The following CCBE1 variants were observed in gnomAD, a reference collection of about 807,000 sequenced individuals.
CCBE1 encodes the protein collagen and calcium binding EGF domains 1.
A neutral mutation model predicts 50.0 loss-of-function variants in CCBE1; 37 were observed. The observed-to-expected ratio is 0.74, with a 90% confidence interval of 0.57 to 0.97. CCBE1 has a LOEUF of 0.97. Ranked by LOEUF, CCBE1 falls within the 50% of genes least tolerant of loss-of-function variation. The pLI is 0.00. For synonymous variants in CCBE1, 234 were observed against 203.7 expected, an observed-to-expected ratio of 1.15 and a Z score of -1.27; for missense variants, 538 against 523.8, an observed-to-expected ratio of 1.03 and a Z score of -0.26.
In CCBE1 at chr18:59,435,858, G is replaced by A. The variant is rs201322897; in HGVS notation, c.*50C>T. The stretch of plus-strand genomic sequence containing the variant: ...TTTCTTCTCTTTAGATGGTTTAACT[G>A]CAGGTGAGTTGATCTTTCTCTTCCT... On this transcript the variant is annotated 3_prime_UTR_variant, in exon 11 of 11. Transcript: ENST00000439986. The A allele has an allele frequency of 1.1e-4, 159 of 1,487,352 alleles. No homozygotes were observed. The African/African-American group carries it at 2.1e-3, about 19-fold the overall frequency. The allele number at this position is 1,487,352 out of a possible 1,614,324, so 92.1% of individuals were successfully genotyped here.
At chr18:59,536,730 C>G (rs1305052828) in intron 2 of CCBE1, among the ~76,000 whole-genome samples, 4 of 152,148 alleles carry the variant, frequency 2.6e-5, no homozygotes, top group Non-Finnish European at 5.9e-5. Context: ...TGGCTGACAT[C>G]TGTAATCTCT....
chr18:59,583,695 G>GCA (rs2053128141), intron 2 of CCBE1, among the ~76,000 whole-genome samples: 1 of 138,906 alleles, frequency 7.2e-6, no homozygotes, highest in Non-Finnish European at 1.6e-5. Context: ...GCGCGCGCGC[G>GCA]CGCGCGTGTG....
At chr18:59,477,284 G>T (rs1014826438) in intron 3 of CCBE1, among the ~76,000 whole-genome samples, 3 of 151,736 alleles carry the variant, frequency 2.0e-5, no homozygotes, top group African/African-American at 7.3e-5. Flanking sequence ...TAAAAAGTCA[G>T]CAGAAGACAA....
At chr18:59,526,337 TCTCA>T (rs945871397) in intron 2 of CCBE1, among the ~76,000 whole-genome samples, 1 of 148,542 alleles carries the variant, frequency 6.7e-6, no homozygotes, top group African/African-American at 2.5e-5. Context: ...GGAGATGGAA[TCTCA>T]CTCTGTCGGC....
chr18:59,479,489 A>G (rs1912465314), intron 3 of CCBE1, among the ~76,000 whole-genome samples: 1 of 152,224 alleles, frequency 6.6e-6, no homozygotes, highest in Admixed American at 6.5e-5. Flanking sequence ...TTTATCAAGC[A>G]TATAATAAGA....
At position 59,594,531 on chromosome 18, in the gene CCBE1, A is replaced by G. The variant is rs148497443; in HGVS notation, c.212+102098T>C. Among the ~76,000 whole-genome samples, 363 of 152,368 alleles carry G rather than the reference A, an allele frequency of 2.4e-3. 1 individual carries two copies. The Middle Eastern group carries it at 0.037, about 16-fold the overall frequency. On this transcript the variant is annotated intron_variant, in intron 2 of 10. Coordinates refer to ENST00000439986, the MANE Select transcript of CCBE1 (RefSeq NM_133459.4). The stretch of plus-strand genomic sequence containing the variant: ...GAACTGCTCACTTAATGGTGAAAGC[A>G]GTAAGCTTCTGTTATGTATGTTTTT...
chr18:59,544,201 A>G (rs1198277749), intron 2 of CCBE1, among the ~76,000 whole-genome samples: 1 of 152,200 alleles, frequency 6.6e-6, no homozygotes, highest in African/African-American at 2.4e-5. Context: ...GCCACATAGT[A>G]GGTGATTTTT....
intron 2 of CCBE1, among the ~76,000 whole-genome samples, chr18:59,570,866 T>C (rs1359504869): frequency 6.6e-6 from 1 of 152,162 alleles, no homozygotes. Context: ...CCAACCAGGA[T>C]GAAAATCGAG....
chr18:59,527,328 T>C (rs974525282), intron 2 of CCBE1, among the ~76,000 whole-genome samples: 1 of 152,168 alleles, frequency 6.6e-6, no homozygotes, highest in African/African-American at 2.4e-5. Flanking sequence ...TGCAACCCTG[T>C]TCTTTTCTTC....
intron 2 of CCBE1, among the ~76,000 whole-genome samples, chr18:59,630,765 A>G (rs2053839697): frequency 6.6e-6 from 1 of 152,162 alleles, no homozygotes; most frequent in African/African-American, 2.4e-5. Context: ...TAAAACCATC[A>G]CAGGGTTGTT....
At chr18:59,552,387 T>C (rs1915962166) in intron 2 of CCBE1, among the ~76,000 whole-genome samples, 1 of 152,212 alleles carries the variant, frequency 6.6e-6, no homozygotes, top group Non-Finnish European at 1.5e-5. Context: ...GGTCAGTTCA[T>C]GAACTTATAT....
chr18:59,448,972 G>A (rs778271741), intron 6 of CCBE1, among the ~76,000 whole-genome samples: 37 of 152,184 alleles, frequency 2.4e-4, no homozygotes, highest in Non-Finnish European at 4.1e-4. Flanking sequence ...GGGAGGAAAG[G>A]AGTGAACCTC....
At chr18:59,658,495 G>A (rs1326186777) in intron 2 of CCBE1, among the ~76,000 whole-genome samples, 1 of 140,726 alleles carries the variant, frequency 7.1e-6, no homozygotes, top group Non-Finnish European at 1.5e-5. Flanking sequence ...TCTAGCCCAA[G>A]AGCTCAAGGC....
chr18:59,520,157 C>T (rs561620642), intron 2 of CCBE1, among the ~76,000 whole-genome samples: 7 of 152,244 alleles, frequency 4.6e-5, no homozygotes, highest in East Asian at 3.9e-4. Context: ...GCTATACAGG[C>T]TCTTTTTTGG....
rs535107435 is a variant in CCBE1 at position 59,691,237 on chromosome 18, G to A, written c.212+5392C>T. Among the ~76,000 whole-genome samples, 3 of 152,346 alleles carry A rather than the reference G, an allele frequency of 2.0e-5. No individual in the cohort carries two copies. The East Asian group carries it at 5.8e-4, about 29-fold the overall frequency. Reference sequence around the variant, plus strand: ...AGCTAGCCTCTGAGGATATAGTCATGAATGAGGACAGATGGCTCATGCTCT... The same window carrying A: ...AGCTAGCCTCTGAGGATATAGTCATAAATGAGGACAGATGGCTCATGCTCT... On this transcript the variant is annotated intron_variant, in intron 2 of 10. Coordinates refer to ENST00000439986, the MANE Select transcript of CCBE1 (RefSeq NM_133459.4).
intron 2 of CCBE1, among the ~76,000 whole-genome samples, chr18:59,634,339 G>A (rs2053890150): frequency 6.6e-6 from 1 of 152,212 alleles, no homozygotes; most frequent in Non-Finnish European, 1.5e-5. Flanking sequence ...TCACAGATCT[G>A]TGTCCACACA....
intron 8 of CCBE1, 39 bp downstream of exon 8, chr18:59,439,638 T>C: frequency 6.2e-7 from 1 of 1,614,096 alleles, no homozygotes; most frequent in Non-Finnish European, 8.5e-7. Flanking sequence ...AAACACATTT[T>C]CCCCCAAAAA....
intron 2 of CCBE1, among the ~76,000 whole-genome samples, chr18:59,497,432 G>T (rs931157925): frequency 2.0e-5 from 3 of 152,098 alleles, no homozygotes; most frequent in Non-Finnish European, 2.9e-5. Flanking sequence ...AAATACCCAA[G>T]ACATCAAAAA....
intron 2 of CCBE1, among the ~76,000 whole-genome samples, chr18:59,664,809 C>A (rs891513027): frequency 6.6e-6 from 1 of 152,096 alleles, no homozygotes; most frequent in South Asian, 2.1e-4. Flanking sequence ...CCAATTCATG[C>A]GACTGTCTCA....
Sources: gnomAD v4.1 joint callset for allele counts (sites outside exome capture counted in the v4.1 genomes callset) on GRCh38, gnomAD v4.1.1 for gene constraint, MANE v1.5 for transcripts, NCBI Gene and HGNC (gene_info 2026-07-23, HGNC 2026-07-21) for gene names.